Variants in OOSP1 observed in about 807,000 individuals in gnomAD.
The protein encoded by OOSP1 is putative oocyte-secreted protein 1 homolog.
In OOSP1, 11 loss-of-function variants were observed where a neutral mutation model predicts 5.7. The observed-to-expected ratio is 1.94, with a 90% CI of 1.22 to 3.20. The LOEUF (loss-of-function observed/expected upper bound fraction) is 3.20, where lower values mean the gene tolerates loss of function less well. Ranked by LOEUF, OOSP1 falls within the 30% of genes most tolerant of loss-of-function variation. The pLI is 0.00. For missense variants in OOSP1, 83 were observed against 54.1 expected (o/e 1.53, Z -1.67); for synonymous variants, 44 against 20.0 (o/e 2.20, Z -3.20).
chr11:59,950,803 G>A (rs1251363142), intron 4 of OOSP1, among the ~76,000 whole-genome samples: 1 of 152,060 alleles, frequency 6.6e-6, no homozygotes, highest in African/African-American at 2.4e-5. Flanking sequence ...GAGTACGGCT[G>A]TAAAGAGAAA....
intron 4 of OOSP1, among the ~76,000 whole-genome samples, chr11:59,950,769 A>G (rs1254404608): frequency 6.6e-6 from 1 of 152,126 alleles, no homozygotes; most frequent in African/African-American, 2.4e-5. Context: ...ACCCAAAGGT[A>G]TGAGTACAGG....
chr11:59,942,869 G>C (rs1208223577), exon 2 of OOSP1: 9 of 702,640 alleles, frequency 1.3e-5, no homozygotes, highest in Middle Eastern at 2.3e-4. Context: ...ACTGCACCCA[G>C]TTTTGGTTCT....
intron 4 of OOSP1, among the ~76,000 whole-genome samples, chr11:59,951,467 C>A (rs77320048): frequency 1.3e-5 from 2 of 151,996 alleles, no homozygotes; most frequent in African/African-American, 4.8e-5. Context: ...GAATTCATTG[C>A]GAGCTATAAA....
chr11:59,939,443 GGT>G (rs1690475504), intron 1 of OOSP1, among the ~76,000 whole-genome samples: 1 of 151,942 alleles, frequency 6.6e-6, no homozygotes, highest in African/African-American at 2.4e-5. Context: ...GTAGAGACGG[GGT>G]TTTACCATAT....
At chr11:59,945,294 C>T in intron 3 of OOSP1, 28 bp downstream of exon 3, 1 of 702,944 alleles carries the variant, frequency 1.4e-6, no homozygotes, top group Non-Finnish European at 2.6e-6. Flanking sequence ...AACCCCTGTC[C>T]TAGCCCCTGG....
rs938908499 is a variant in OOSP1, at chr11:59,954,186, C to A, written c.487-3009C>A. Among the ~76,000 whole-genome samples the A allele has an allele frequency of 5.9e-5, 9 of 152,258 alleles. No individual in the cohort carries two copies. The East Asian group carries it at 9.6e-4, about 16-fold the overall frequency. On this transcript the variant is annotated intron_variant, in intron 4 of 4. Coordinates refer to ENST00000646685, the Ensembl canonical transcript of OOSP1. The stretch of plus-strand genomic sequence containing the variant: ...GTGTATAGAGAAGCTCCATTATAAT[C>A]TCATGGGAACACAGTCATGTATGTG...
At chr11:59,938,608 G>A in intron 1 of OOSP1, 78 bp downstream of exon 1, 1 of 424,692 alleles carries the variant, frequency 2.4e-6, no homozygotes, top group Non-Finnish European at 4.2e-6. Context: ...TACAGTTGTG[G>A]TCTGGTTGAA....
intron 1 of OOSP1, among the ~76,000 whole-genome samples, chr11:59,938,732 AC>A (rs1853796393): frequency 6.6e-6 from 1 of 152,184 alleles, no homozygotes; most frequent in African/African-American, 2.4e-5. Context: ...ATGTGCCCTA[AC>A]CTGAGACTGT....
chr11:59,952,561 A>C (rs1853950917), intron 4 of OOSP1, among the ~76,000 whole-genome samples: 1 of 152,162 alleles, frequency 6.6e-6, no homozygotes, highest in Non-Finnish European at 1.5e-5. Context: ...CTCTGTTCTC[A>C]CTTATAAGTG....
At chr11:59,941,774 T>C (rs767008670) in intron 1 of OOSP1, among the ~76,000 whole-genome samples, 2 of 152,182 alleles carry the variant, frequency 1.3e-5, no homozygotes, top group African/African-American at 2.4e-5. Context: ...GTATGTTTAG[T>C]TTTTAAAGAA....
intron 1 of OOSP1, 111 bp from the exon 2 acceptor site, chr11:59,942,736 T>C (rs1279168453): frequency 1.7e-6 from 1 of 592,330 alleles, no homozygotes; most frequent in Non-Finnish European, 3.0e-6. Context: ...TTAAGACATT[T>C]TGTTTTAGTA....
Position 59,947,871 on chromosome 11 carries a change from C to A in OOSP1, c.486+9C>A. 1 of 398,666 alleles carries A rather than the reference C, an allele frequency of 2.5e-6. No individual in the cohort carries two copies. Among genetic ancestry groups the A allele is most frequent in the Non-Finnish European group, 4.4e-6 (1 of 225,830 alleles). 24.7% of individuals were successfully genotyped at this position (398,666 alleles called of 1,614,324 possible). A position where few individuals can be genotyped will look rare whatever the true frequency, so the allele number is the denominator to read the frequency against. On this transcript the variant is annotated intron_variant, in intron 4 of 4. Transcript: ENST00000646685. ...TCTGCAACACAATCTTGGTAAGAAC[C>A]CTTCAAAACTGGCATCTTATGATTT...
intron 1 of OOSP1, 117 bp downstream of exon 1, chr11:59,938,647 G>T: frequency 2.5e-6 from 1 of 403,904 alleles, no homozygotes; most frequent in South Asian, 1.2e-4. Context: ...ACACATGGAG[G>T]GGTGGTGCCT....
chr11:59,951,092 A>T (rs1344762141), intron 4 of OOSP1, among the ~76,000 whole-genome samples: 2 of 152,054 alleles, frequency 1.3e-5, no homozygotes, highest in Non-Finnish European at 2.9e-5. Flanking sequence ...ATTGCAAAAA[A>T]ATCCAAACTA....
At chr11:59,946,969 GTCTA>G (rs1346221061) in intron 3 of OOSP1, among the ~76,000 whole-genome samples, 1 of 134,938 alleles carries the variant, frequency 7.4e-6, no homozygotes, top group African/African-American at 2.8e-5. Flanking sequence ...CTATCTATCT[GTCTA>G]TCTACTCTGT....
chr11:59,948,315 ACAGTTTTT>A (rs1244475815), intron 4 of OOSP1, among the ~76,000 whole-genome samples: 1 of 152,180 alleles, frequency 6.6e-6, no homozygotes, highest in East Asian at 1.9e-4. Flanking sequence ...GTAAGGTAGT[ACAGTTTTT>A]CATTCTTGAG....
At chr11:59,953,010 C>G (rs1209900868) in intron 4 of OOSP1, among the ~76,000 whole-genome samples, 2 of 152,090 alleles carry the variant, frequency 1.3e-5, no homozygotes, top group African/African-American at 4.8e-5. Context: ...ACACATTTTC[C>G]TCTGGTTAGT....
chr11:59,944,028 T>C (rs1313278702), intron 2 of OOSP1, among the ~76,000 whole-genome samples: 2 of 152,096 alleles, frequency 1.3e-5, no homozygotes, highest in Admixed American at 1.3e-4. Context: ...AGAAGTGTTT[T>C]TGGGAGAAAG....
chr11:59,950,348 T>C (rs781599379), intron 4 of OOSP1, among the ~76,000 whole-genome samples: 23 of 152,202 alleles, frequency 1.5e-4, no homozygotes, highest in South Asian at 6.2e-4. Context: ...AGACTGGATG[T>C]AGAACATTAG....
Sources: allele counts gnomAD v4.1 joint callset (sites outside exome capture counted in the v4.1 genomes callset), GRCh38; gene constraint gnomAD v4.1.1; transcripts MANE v1.5; gene names NCBI Gene and HGNC (gene_info 2026-07-23, HGNC 2026-07-21).